Variants in COL15A1 observed in about 807,000 individuals in gnomAD.
The protein encoded by COL15A1 is collagen type XV alpha 1 chain.
In COL15A1, 111 loss-of-function variants were observed where a neutral mutation model predicts 165.9. That is an observed-to-expected ratio of 0.67 (90% CI 0.57 to 0.78). The LOEUF (loss-of-function observed/expected upper bound fraction) is 0.78, where lower values mean the gene tolerates loss of function less well. COL15A1 is among the 30% of genes least tolerant of loss of function. The probability of loss-of-function intolerance (pLI) is 0.00; values close to 1 mark genes in which losing one functional copy is unlikely to be tolerated. For synonymous variants in COL15A1, 659 were observed against 674.8 expected, an observed-to-expected ratio of 0.98 and a Z score of 0.36; for missense variants, 1,745 against 1,789.7, an observed-to-expected ratio of 0.98 and a Z score of 0.45.
chr9:99,016,130 T>C lies in COL15A1; in HGVS notation c.1647+11T>C, dbSNP rs780221684. On this transcript the variant is annotated intron_variant, in intron 11 of 41. Coordinates refer to ENST00000375001, the MANE Select transcript of COL15A1 (RefSeq NM_001855.5). The stretch of plus-strand genomic sequence containing the variant: ...AGATGGATCACTCCAGTAAGTGGCA[T>C]AGAGCTGTAAGATTTGACTTGGCAG... The C allele has an allele frequency of 1.3e-6, 2 of 1,597,768 alleles. No homozygotes were observed. The highest frequency in any genetic ancestry group is 3.5e-5 in the Admixed American group (2 of 57,602).
intron 31 of COL15A1, among the ~76,000 whole-genome samples, chr9:99,053,713 T>C (rs1825664955): frequency 6.6e-6 from 1 of 152,174 alleles, no homozygotes; most frequent in Non-Finnish European, 1.5e-5. Flanking sequence ...ACAGATGTAG[T>C]TGCCGCTCCC....
chr9:99,012,807 G>A (rs568509474), intron 9 of COL15A1, among the ~76,000 whole-genome samples: 32 of 145,558 alleles, frequency 2.2e-4, no homozygotes, highest in African/African-American at 7.9e-4. Context: ...CACCTCCTGG[G>A]TTCAAGTGAT....
chr9:99,034,976 C>G, intron 17 of COL15A1, 38 bp from the exon 18 acceptor site: 2 of 1,588,488 alleles, frequency 1.3e-6, no homozygotes, highest in South Asian at 2.2e-5. Context: ...CATGAGTGAA[C>G]CCAGGGCTAG....
At chr9:99,029,713 C>T (rs1470160817) in intron 16 of COL15A1, among the ~76,000 whole-genome samples, 1 of 152,112 alleles carries the variant, frequency 6.6e-6, no homozygotes, top group African/African-American at 2.4e-5. Context: ...CACCTGAGGT[C>T]AGGAGTTTGA....
At chr9:98,952,777 C>T (rs561167408) in intron 2 of COL15A1, among the ~76,000 whole-genome samples, 1 of 152,354 alleles carries the variant, frequency 6.6e-6, no homozygotes, top group African/African-American at 2.4e-5. Context: ...ATTGCCTCAT[C>T]ACTGTACTGC....
At chr9:98,973,174 A>C (rs906827903) in intron 2 of COL15A1, among the ~76,000 whole-genome samples, 5 of 152,182 alleles carry the variant, frequency 3.3e-5, no homozygotes, top group Non-Finnish European at 7.3e-5. Context: ...AGGCTTCCTC[A>C]AATCGTCTTC....
At chr9:98,985,466 C>A in intron 2 of COL15A1, 99 bp from the exon 3 acceptor site, 1 of 1,180,192 alleles carries the variant, frequency 8.5e-7, no homozygotes, top group Non-Finnish European at 1.2e-6. Flanking sequence ...CAGTGGGGTT[C>A]CTGAGTGATC....
At chr9:99,035,205 C>G in intron 18 of COL15A1, 51 bp downstream of exon 18, 1 of 1,576,426 alleles carries the variant, frequency 6.3e-7, no homozygotes, top group South Asian at 1.1e-5. Context: ...CTAAGGGCTA[C>G]TAGAAAGACC....
At chr9:98,989,391 G>C (rs1838377663) in intron 5 of COL15A1, 133 bp downstream of exon 5, 4 of 709,540 alleles carry the variant, frequency 5.6e-6, no homozygotes, top group South Asian at 3.8e-5. Context: ...GACTCATCTG[G>C]GGGGGTCAGG....
intron 5 of COL15A1, 94 bp from the exon 6 acceptor site, chr9:98,996,840 G>A (rs893989468): frequency 1.3e-6 from 2 of 1,545,438 alleles, no homozygotes; most frequent in Non-Finnish European, 1.8e-6. Flanking sequence ...TCAGCATCTT[G>A]TGGATATATT....
At chr9:99,049,032 C>T (rs941322763) in intron 28 of COL15A1, among the ~76,000 whole-genome samples, 34 of 152,118 alleles carry the variant, frequency 2.2e-4, no homozygotes, top group African/African-American at 5.1e-4. Flanking sequence ...CCACTGGAAC[C>T]GGCAGGCAAA....
rs1316522187 is a variant in COL15A1 at position 99,049,971 on chromosome 9, T to C, written c.2904+76T>C. On this transcript the variant is annotated intron_variant, in intron 30 of 41. Coordinates refer to ENST00000375001, the MANE Select transcript of COL15A1 (RefSeq NM_001855.5). ...TTGGAGAAAAAGATCAGTCTTTGTC[T>C]TGGGCCCTTTCTATCCTCAAATGTC... 6.9e-6 allele frequency: 11 copies of C among 1,596,050 alleles called. No homozygotes were observed. In the African/African-American group the frequency reaches 1.2e-4, roughly 18 times the overall value.
intron 26 of COL15A1, among the ~76,000 whole-genome samples, chr9:99,047,490 T>C (rs1839510829): frequency 6.6e-6 from 1 of 152,218 alleles, no homozygotes; most frequent in Non-Finnish European, 1.5e-5. Context: ...CCTGAGCTAC[T>C]GACCTCTTGC....
chr9:98,985,168 A>G (rs1022856690), intron 2 of COL15A1, among the ~76,000 whole-genome samples: 3 of 152,244 alleles, frequency 2.0e-5, no homozygotes, highest in Non-Finnish European at 2.9e-5. Flanking sequence ...GGGATTACTC[A>G]TAAGTGTTTT....
Position 99,004,982 on chromosome 9 carries a change from A to T in COL15A1, c.1285A>T (p.Ser429Cys), listed in dbSNP as rs764540735. The T allele has an allele frequency of 6.2e-7, 1 of 1,614,018 alleles. No homozygotes were observed. The highest frequency in any genetic ancestry group is 1.3e-5 in the African/African-American group (1 of 75,038). Residue 429 changes from serine to cysteine, a missense_variant, in exon 9 of 42, where the codon AGT becomes TGT. Ser to Cys is a moderately radical substitution (Grantham distance 112). Transcript: ENST00000375001. ...LASMPGEVEASGVAPGELDLS... is the reference protein window; with the variant it reads ...LASMPGEVEACGVAPGELDLS... Reference sequence around the variant, plus strand: ...CAGCATGCCTGGGGAAGTGGAGGCCAGTGGTGTGGCCCCCGGGGAGCTGGA... The same window carrying T: ...CAGCATGCCTGGGGAAGTGGAGGCCTGTGGTGTGGCCCCCGGGGAGCTGGA...
intron 24 of COL15A1, among the ~76,000 whole-genome samples, chr9:99,043,187 G>A (rs1015049981): frequency 6.6e-6 from 1 of 151,934 alleles, no homozygotes; most frequent in Non-Finnish European, 1.5e-5. Flanking sequence ...GGTCTCCAAG[G>A]AGGAGAGGGC....
chr9:99,005,085 T>G lies in COL15A1; in HGVS notation c.1353+35T>G, dbSNP rs369234571. 5 of 1,546,700 alleles carry G rather than the reference T, an allele frequency of 3.2e-6. No homozygotes were observed. The East Asian group carries it at 1.1e-4, about 35-fold the overall frequency. On this transcript the variant is annotated intron_variant, in intron 9 of 41. Transcript: ENST00000375001. ...GTACAGTGCCCAAAGGTTGAGGTCA[T>G]GGTGGGAGCAGCTCCTGACCTTCTC...
chr9:99,052,409 A>T lies in COL15A1; in HGVS notation c.2926A>T (p.Ser976Cys). ...KMPVDTAHPG[S>C]PELITFHGVK... ...CCAGGTTGATACTGCTCATCCTGGG[A>T]GTCCAGAGCTCATCACTTTTCACGG... is the stretch of plus-strand genomic sequence containing the variant. Residue 976 changes from serine (S) to cysteine (C), a missense_variant, in exon 31 of 42, where the codon AGT becomes TGT. Transcript: ENST00000375001. The T allele has an allele frequency of 1.2e-6, 2 of 1,612,310 alleles. No homozygotes were observed. The highest frequency in any genetic ancestry group is 2.2e-5 in the South Asian group (2 of 91,008).
rs118052321 is a variant in COL15A1, at chr9:99,046,861, A to T, written c.2680-925A>T. ...AAGTGGCCTGTGCCCTGTCAACCCC[A>T]TCTGTCTTTGCTTTTCTTTCCCTAA... On this transcript the variant is annotated intron_variant, in intron 26 of 41. Transcript: ENST00000375001. Among the ~76,000 whole-genome samples, 168 of 152,306 alleles carry T rather than the reference A, an allele frequency of 1.1e-3. 2 individuals are homozygous for T. The East Asian group carries it at 0.031, about 28-fold the overall frequency.
Sources: gnomAD v4.1 joint callset for allele counts (sites outside exome capture counted in the v4.1 genomes callset) on GRCh38, gnomAD v4.1.1 for gene constraint, MANE v1.5 for transcripts, NCBI Gene and HGNC (gene_info 2026-07-23, HGNC 2026-07-21) for gene names.